YEATS2: variants seen among roughly 807,000 people sequenced by gnomAD.
The protein encoded by YEATS2 is YEATS domain-containing protein 2.
YEATS2 carries 77 observed loss-of-function variants against 163.2 expected under a neutral mutation model. That is an observed-to-expected ratio of 0.47 (90% CI 0.39 to 0.57). The LOEUF (loss-of-function observed/expected upper bound fraction) is 0.57, where lower values mean the gene tolerates loss of function less well. Among genes scored for constraint, YEATS2 ranks in the 20% least tolerant of loss-of-function variants. YEATS2 has a pLI of 0.00. For missense variants in YEATS2, 1,549 were observed against 1,729.8 expected (o/e 0.90, Z 1.85); for synonymous variants, 631 against 645.1 (o/e 0.98, Z 0.33).
Position 183,797,982 on chromosome 3 carries a change from AG to A in YEATS2, c.3158del (p.Ser1053ThrfsTer8). 1 of 1,614,166 alleles carries A rather than the reference AG, an allele frequency of 6.2e-7. No individual in the cohort carries two copies. Among genetic ancestry groups the A allele is most frequent in the Non-Finnish European group, 8.5e-7 (1 of 1,179,994 alleles). ...GCAGCAGGCCGTCCTGACGATTCCC[AG>A]CCAGCTCAAACCACTCAGCGTAAAC... ...SPQQAVLTIP[S>X]QLKPLSVNTS... On this transcript the variant is annotated frameshift_variant, in exon 22 of 31. Transcript: ENST00000305135. LOFTEE classifies it high-confidence loss of function.
rs907056068 is a variant in YEATS2 at position 183,775,955 on chromosome 3, C to G, written c.2409C>G (p.Ala803=). The part of the protein sequence containing the change: ...SGSAASGGSG[A]GGGGGGGGGG... The stretch of plus-strand genomic sequence containing the variant: ...CAGCTGCCAGTGGTGGGAGTGGTGC[C>G]GGAGGAGGAGGAGGAGGAGGAGGAG... Residue 803 remains alanine, a synonymous_variant, in exon 18 of 31, where the codon GCC becomes GCG. Transcript: ENST00000305135. 2 of 1,581,826 alleles carry G rather than the reference C, an allele frequency of 1.3e-6. No homozygotes were observed. Among genetic ancestry groups the G allele is most frequent in the East Asian group, 4.6e-5 (2 of 43,878 alleles).
At chr3:183,773,832 G>T in intron 17 of YEATS2, 38 bp downstream of exon 17, 1 of 1,576,978 alleles carries the variant, frequency 6.3e-7, no homozygotes, top group Non-Finnish European at 8.6e-7. Context: ...TTGGTTCTTG[G>T]TTCTCTATGT....
chr3:183,717,246 A>G (rs1399726697), intron 2 of YEATS2, among the ~76,000 whole-genome samples: 1 of 152,166 alleles, frequency 6.6e-6, no homozygotes, highest in African/African-American at 2.4e-5. Flanking sequence ...AGTCCAGGAC[A>G]TACAGGGCAT....
At chr3:183,738,607 G>A (rs1344090499) in intron 8 of YEATS2, among the ~76,000 whole-genome samples, 22 of 136,658 alleles carry the variant, frequency 1.6e-4, no homozygotes, top group Non-Finnish European at 1.2e-4. Context: ...ATGTGTCCAG[G>A]TGATCTCATT....
At chr3:183,751,984 A>G (rs549917992) in intron 9 of YEATS2, 89 bp from the exon 10 acceptor site, 1 of 1,420,732 alleles carries the variant, frequency 7.0e-7, no homozygotes, top group South Asian at 1.2e-5. Flanking sequence ...TATCTCTCAC[A>G]TCCCGGAGAT....
intron 25 of YEATS2, chr3:183,802,487 A>ATGTGTG (rs10663581): frequency 1.1e-3 from 163 of 145,328 alleles, no homozygotes; most frequent in South Asian, 2.0e-3. Context: ...TCTCTTATAT[A>ATGTGTG]TGTGTGTGTG....
rs569416489 is a variant in YEATS2, at chr3:183,793,188, A to G, written c.3097+2208A>G. The G allele has an allele frequency of 1.0e-4, 130 of 1,284,114 alleles. 1 individual carries two copies. The South Asian group carries it at 1.5e-3, about 14-fold the overall frequency. 79.5% of individuals were successfully genotyped at this position (1,284,114 alleles called of 1,614,324 possible). A position where few individuals can be genotyped will look rare whatever the true frequency, so the allele number is the denominator to read the frequency against. On this transcript the variant is annotated intron_variant, in intron 21 of 30. Coordinates refer to ENST00000305135, the MANE Select transcript of YEATS2 (RefSeq NM_018023.5). The stretch of plus-strand genomic sequence containing the variant: ...GAATATCACCGAGATACACACACAC[A>G]CTCACGCATGCAGACAACACCCCTT...
At position 183,801,543 on chromosome 3, in the gene YEATS2, C is replaced by T. The variant is rs770437648; in HGVS notation, c.3502+15C>T. 4 of 1,592,866 alleles carry T rather than the reference C, an allele frequency of 2.5e-6. No individual in the cohort carries two copies. Among genetic ancestry groups the T allele is most frequent in the Admixed American group, 1.7e-5 (1 of 58,508 alleles). ...CACTGCAAAAAGTAAGACAATTACA[C>T]TGAATATAGGGGTGCATTTTTGAAA... is the stretch of plus-strand genomic sequence containing the variant. On this transcript the variant is annotated intron_variant, in intron 25 of 30. Transcript: ENST00000305135.
At chr3:183,781,734 C>T (rs945639558) in intron 19 of YEATS2, among the ~76,000 whole-genome samples, 1 of 151,680 alleles carries the variant, frequency 6.6e-6, no homozygotes, top group East Asian at 1.9e-4. Context: ...AACAAGACTC[C>T]GTCTCAAAAA....
chr3:183,717,578 G>T, intron 2 of YEATS2, 73 bp from the exon 3 acceptor site: 2 of 1,140,878 alleles, frequency 1.8e-6, no homozygotes, highest in Non-Finnish European at 2.5e-6. Context: ...GATTTCTTTT[G>T]TTGCTTGCTG....
intron 1 of YEATS2, among the ~76,000 whole-genome samples, chr3:183,712,560 A>C (rs1715381445): frequency 6.6e-6 from 1 of 151,964 alleles, no homozygotes; most frequent in African/African-American, 2.4e-5. Context: ...GCCTCTGGCT[A>C]GGGAATCTTC....
In YEATS2 at chr3:183,773,670, C is replaced by A; in HGVS notation, c.2244C>A (p.Ala748=). ...ATLQLPATNL[A]NLANLPPGTK... ...TGCAGCTACCAGCCACTAATTTGGC[C>A]AACTTGGCAAATTTGCCTCCTGGCA... Residue 748 remains alanine, a synonymous_variant, in exon 17 of 31, where the codon GCC becomes GCA. Coordinates refer to ENST00000305135, the MANE Select transcript of YEATS2 (RefSeq NM_018023.5). 1 of 1,610,870 alleles carries A rather than the reference C, an allele frequency of 6.2e-7. No individual in the cohort carries two copies. Among genetic ancestry groups the A allele is most frequent in the Non-Finnish European group, 8.5e-7 (1 of 1,178,964 alleles).
intron 1 of YEATS2, among the ~76,000 whole-genome samples, chr3:183,698,904 A>G (rs1294355966): frequency 2.6e-5 from 4 of 152,200 alleles, no homozygotes; most frequent in African/African-American, 7.2e-5. Flanking sequence ...ATCTAGAGAT[A>G]CTACCCTTGG....
At chr3:183,805,036 C>T (rs1726045371) in intron 27 of YEATS2, among the ~76,000 whole-genome samples, 1 of 151,166 alleles carries the variant, frequency 6.6e-6, no homozygotes, top group African/African-American at 2.4e-5. Context: ...GCTGCAGGGC[C>T]ATGGGGTGTA....
chr3:183,721,309 C>T (rs77163985), intron 4 of YEATS2, among the ~76,000 whole-genome samples: 4,202 of 152,202 alleles, frequency 0.028, 194 homozygotes, highest in African/African-American at 0.096. Context: ...TTTTTAAAAG[C>T]TAGGCTTCCT....
intron 27 of YEATS2, chr3:183,806,377 C>A (rs1386564128): frequency 6.6e-6 from 3 of 456,416 alleles, no homozygotes; most frequent in East Asian, 1.4e-4. Context: ...CTAGATCTGG[C>A]CTTGAGGTCC....
At chr3:183,698,220 G>GGGC (rs750922603) in intron 1 of YEATS2, among the ~76,000 whole-genome samples, 6 of 152,168 alleles carry the variant, frequency 3.9e-5, no homozygotes, top group African/African-American at 9.6e-5. Context: ...CGTGAGTTGG[G>GGGC]GGCTTCCTCT....
chr3:183,762,137 C>A lies in YEATS2; in HGVS notation c.1805C>A (p.Pro602His), dbSNP rs1377861899. The change falls in exon 15 of 31, where the codon CCC (proline) becomes CAC (histidine). Residue 602 changes from proline (P) to histidine (H), a missense_variant. Pro to His is a moderately conservative substitution (Grantham distance 77). Coordinates refer to ENST00000305135, the MANE Select transcript of YEATS2 (RefSeq NM_018023.5). ...GAACCTGGTGAAGCCCCTCACGTGC[C>A]CGCAACAGGAGCTGCCAGCCAGTCA... ...KQEPGEAPHV[P>H]ATGAASQSPL... 6.2e-7 allele frequency: 1 copy of A among 1,614,062 alleles called. No homozygotes were observed. Among genetic ancestry groups the A allele is most frequent in the African/African-American group, 1.3e-5 (1 of 75,006 alleles).
intron 15 of YEATS2, among the ~76,000 whole-genome samples, chr3:183,769,716 C>G (rs995741794): frequency 1.3e-5 from 2 of 152,046 alleles, no homozygotes; most frequent in Admixed American, 1.3e-4. Context: ...ATTGTTTAGA[C>G]AGAGTCTTGC....
Sources: allele counts gnomAD v4.1 joint callset (sites outside exome capture counted in the v4.1 genomes callset), GRCh38; gene constraint gnomAD v4.1.1; transcripts MANE v1.5; gene names NCBI Gene and HGNC (gene_info 2026-07-23, HGNC 2026-07-21).